The following GPHN variants were observed in gnomAD, a reference collection of about 807,000 sequenced individuals.
GPHN encodes the protein gephyrin.
GPHN carries 17 observed loss-of-function variants against 95.5 expected under a neutral mutation model. That is an observed-to-expected ratio of 0.18 (90% CI 0.12 to 0.27). The LOEUF (loss-of-function observed/expected upper bound fraction) is 0.27. Ranked by LOEUF, GPHN falls within the 10% of genes least tolerant of loss-of-function variation. The pLI, the probability that GPHN is intolerant of heterozygous loss-of-function variation, is 1.00. For missense variants in GPHN, 660 were observed against 978.1 expected (o/e 0.67, Z 4.34); for synonymous variants, 320 against 322.5 (o/e 0.99, Z 0.08).
At chr14:67,200,274 C>A in the GPHN span, 1 of 758,286 alleles carries the variant, frequency 1.3e-6, no homozygotes, top group East Asian at 2.9e-5. Context: ...CAGGCCCACT[C>A]CCCAGCCACC....
At chr14:67,225,612 C>T in the GPHN span, among the ~76,000 whole-genome samples, 2 of 152,016 alleles carry the variant, frequency 1.3e-5, no homozygotes, top group South Asian at 4.1e-4. Context: ...ACAATCAAGA[C>T]CTCTTTTTTT....
intron 1 of GPHN, among the ~76,000 whole-genome samples, chr14:66,655,072 T>C (rs1324090695): frequency 6.6e-6 from 1 of 152,184 alleles, no homozygotes; most frequent in African/African-American, 2.4e-5. Context: ...ACTTAATTCT[T>C]TTTCAAAATT....
chr14:67,663,472 G>A, the GPHN span, among the ~76,000 whole-genome samples: 1 of 152,014 alleles, frequency 6.6e-6, no homozygotes, highest in Non-Finnish European at 1.5e-5. Context: ...AGGAGATCGA[G>A]ACCATCCTGC....
the GPHN span, among the ~76,000 whole-genome samples, chr14:67,401,149 A>T: frequency 7.9e-5 from 12 of 152,210 alleles, no homozygotes; most frequent in Non-Finnish European, 1.6e-4. Context: ...AAATGGGGTC[A>T]TTAGGATGGG....
intron 3 of GPHN, among the ~76,000 whole-genome samples, chr14:66,811,054 AGATT>A (rs1436382017): frequency 2.0e-5 from 3 of 152,256 alleles, no homozygotes; most frequent in South Asian, 2.1e-4. Flanking sequence ...TTATTAATAC[AGATT>A]GATTATTTAT....
chr14:67,300,242 T>C, the GPHN span, among the ~76,000 whole-genome samples: 3 of 152,244 alleles, frequency 2.0e-5, no homozygotes, highest in South Asian at 2.1e-4. Context: ...CCCAAAATTA[T>C]CATCTCTTGG....
chr14:66,913,406 A>G lies in GPHN; in HGVS notation c.390-2597A>G, dbSNP rs190981198. Among the ~76,000 whole-genome samples the G allele has an allele frequency of 6.6e-5, 10 of 152,248 alleles. No homozygotes were observed. The East Asian group carries it at 1.7e-3, about 26-fold the overall frequency. On this transcript the variant is annotated intron_variant, in intron 5 of 22. Coordinates refer to ENST00000478722, the MANE Select transcript of GPHN (RefSeq NM_020806.5). Reference sequence around the variant, plus strand: ...ACCCAGGCTGGAGTGCAATGGCACAATCTCTGCTCATTGCAACCTCCGCCT... The same window carrying G: ...ACCCAGGCTGGAGTGCAATGGCACAGTCTCTGCTCATTGCAACCTCCGCCT...
At chr14:66,691,125 T>A (rs939774302) in intron 2 of GPHN, among the ~76,000 whole-genome samples, 1 of 152,132 alleles carries the variant, frequency 6.6e-6, no homozygotes, top group Non-Finnish European at 1.5e-5. Context: ...GAGGATCAGT[T>A]GAGCCCAGTA....
the GPHN span, among the ~76,000 whole-genome samples, chr14:67,288,951 TTTTC>T: frequency 1.4e-5 from 2 of 144,776 alleles, no homozygotes; most frequent in Admixed American, 7.4e-5. Context: ...AAAAGTTTTA[TTTTC>T]TTTATTTCCT....
chr14:66,586,750 G>A (rs895653095), intron 1 of GPHN, among the ~76,000 whole-genome samples: 3 of 152,038 alleles, frequency 2.0e-5, no homozygotes, highest in Non-Finnish European at 2.9e-5. Context: ...TTTCTGCAAC[G>A]AAAGCATTTC....
chr14:66,649,720 T>C (rs147913366), intron 1 of GPHN, among the ~76,000 whole-genome samples: 249 of 152,218 alleles, frequency 1.6e-3, no homozygotes, highest in Non-Finnish European at 2.6e-3. Context: ...ACAGAGACCA[T>C]AGTAAATCAA....
At chr14:67,553,866 C>T in the GPHN span, among the ~76,000 whole-genome samples, 1 of 152,200 alleles carries the variant, frequency 6.6e-6, no homozygotes, top group Admixed American at 6.5e-5. Context: ...CCAACCCACC[C>T]ACTCAGCTTC....
At chr14:66,520,774 A>G (rs2058447859) in intron 1 of GPHN, among the ~76,000 whole-genome samples, 1 of 151,872 alleles carries the variant, frequency 6.6e-6, no homozygotes, top group Non-Finnish European at 1.5e-5. Context: ...AACTCATGTC[A>G]GAGGGGTTGT....
chr14:67,545,673 GGATA>G, the GPHN span, among the ~76,000 whole-genome samples: 1 of 152,052 alleles, frequency 6.6e-6, no homozygotes, highest in South Asian at 2.1e-4. Flanking sequence ...ACAGAGAGAT[GGATA>G]AACATATTCA....
the GPHN span, chr14:67,204,659 A>G: frequency 6.2e-7 from 1 of 1,613,902 alleles, no homozygotes; most frequent in Non-Finnish European, 8.5e-7. Context: ...TATAAACAGG[A>G]CACCTTGTTT....
chr14:67,217,684 A>G, the GPHN span, among the ~76,000 whole-genome samples: 3 of 152,122 alleles, frequency 2.0e-5, no homozygotes, highest in Non-Finnish European at 4.4e-5. Flanking sequence ...CAATCTAGTG[A>G]TGATGAATTT....
chr14:67,363,327 G>A, the GPHN span, among the ~76,000 whole-genome samples: 4 of 151,400 alleles, frequency 2.6e-5, no homozygotes, highest in Non-Finnish European at 5.9e-5. Flanking sequence ...TAGGGATTTT[G>A]TATTCCCTAC....
At chr14:66,592,471 C>T (rs12399879) in intron 1 of GPHN, among the ~76,000 whole-genome samples, 8 of 75,854 alleles carry the variant, frequency 1.1e-4, no homozygotes, top group African/African-American at 1.9e-4. Flanking sequence ...AAAAAAAAAA[C>T]CCCGTCAAGA....
chr14:66,920,392 G>A (rs2066154988), intron 6 of GPHN, among the ~76,000 whole-genome samples: 1 of 152,014 alleles, frequency 6.6e-6, no homozygotes, highest in Non-Finnish European at 1.5e-5. Flanking sequence ...CACCCTGGCT[G>A]GAATGCAGTT....
Sources: gnomAD v4.1 joint callset for allele counts (sites outside exome capture counted in the v4.1 genomes callset) on GRCh38, gnomAD v4.1.1 for gene constraint, MANE v1.5 for transcripts, NCBI Gene and HGNC (gene_info 2026-07-23, HGNC 2026-07-21) for gene names.